Variants in ADK observed in about 807,000 individuals in gnomAD.
ADK encodes N6,N6-dimethyladenosine kinase.
In ADK, 24 loss-of-function variants were observed where a neutral mutation model predicts 44.7. The ratio of observed to expected loss-of-function variants is 0.54; its 90% CI spans 0.39 to 0.76. ADK has a LOEUF of 0.76. ADK is among the 30% of genes least tolerant of loss of function. The pLI, the probability that ADK is intolerant of heterozygous loss-of-function variation, is 0.00. For missense variants in ADK, 321 were observed against 425.1 expected (o/e 0.76, Z 2.15); for synonymous variants, 128 against 142.6 (o/e 0.90, Z 0.73).
chr10:74,371,513 G>C, intron 4 of ADK: 1 of 765,924 alleles, frequency 1.3e-6, no homozygotes. Flanking sequence ...TCCCATCGTA[G>C]CTTAAAGCGA....
chr10:74,490,521 A>G (rs1847438063), intron 6 of ADK, among the ~76,000 whole-genome samples: 1 of 152,156 alleles, frequency 6.6e-6, no homozygotes, highest in South Asian at 2.1e-4. Context: ...GTTCTCCCAG[A>G]ATAAGTTGCC....
At chr10:74,634,464 C>T (rs551465554) in intron 9 of ADK, among the ~76,000 whole-genome samples, 24 of 152,236 alleles carry the variant, frequency 1.6e-4, no homozygotes, top group African/African-American at 3.1e-4. Flanking sequence ...GGGATCCGCC[C>T]GGCCTCCCAA....
At chr10:74,577,106 TTC>T (rs566078811) in intron 7 of ADK, among the ~76,000 whole-genome samples, 3 of 111,064 alleles carry the variant, frequency 2.7e-5, no homozygotes, top group African/African-American at 1.0e-4. Context: ...TTTGTATTAT[TTC>T]TCTGTGTGTG....
chr10:74,692,152 G>A (rs12242776), intron 10 of ADK, among the ~76,000 whole-genome samples: 16,488 of 152,026 alleles, frequency 0.11, 1,457 homozygotes, highest in African/African-American at 0.23. Flanking sequence ...AAACATTATC[G>A]ATACAATAAA....
intron 6 of ADK, among the ~76,000 whole-genome samples, chr10:74,433,718 C>T (rs1020695087): frequency 2.6e-5 from 4 of 152,134 alleles, no homozygotes; most frequent in African/African-American, 9.7e-5. Context: ...CCAATGTTTA[C>T]AGTTGCCAGC....
intron 9 of ADK, among the ~76,000 whole-genome samples, chr10:74,657,127 C>T (rs1433527558): frequency 6.6e-6 from 1 of 151,910 alleles, no homozygotes; most frequent in African/African-American, 2.4e-5. Context: ...GTCTTGAGCT[C>T]CTGGCCTCGA....
At chr10:74,349,382 C>T (rs1281586325) in intron 4 of ADK, among the ~76,000 whole-genome samples, 1 of 152,128 alleles carries the variant, frequency 6.6e-6, no homozygotes, top group Non-Finnish European at 1.5e-5. Flanking sequence ...TTTGTCACCA[C>T]CAGGCCTGCC....
chr10:74,371,776 A>G (rs951549596), intron 4 of ADK: 6 of 1,322,464 alleles, frequency 4.5e-6, no homozygotes, highest in Admixed American at 1.7e-5. Context: ...TCCTCCAGGA[A>G]TATTGGCCAA....
chr10:74,436,338 C>T (rs1845177900), intron 6 of ADK, among the ~76,000 whole-genome samples: 2 of 151,920 alleles, frequency 1.3e-5, no homozygotes, highest in South Asian at 4.2e-4. Flanking sequence ...ACCTGGGAGG[C>T]GGAGGTTGCA....
chr10:74,417,748 T>C (rs1188863285), intron 6 of ADK, among the ~76,000 whole-genome samples: 1 of 148,622 alleles, frequency 6.7e-6, no homozygotes, highest in Non-Finnish European at 1.5e-5. Context: ...GTAAATCTAC[T>C]TTAAAAAAAA....
At chr10:74,235,687 A>G (rs968089077) in intron 3 of ADK, among the ~76,000 whole-genome samples, 1 of 152,146 alleles carries the variant, frequency 6.6e-6, no homozygotes, top group Non-Finnish European at 1.5e-5. Flanking sequence ...TGTGGGAGTG[A>G]GCTTACTTAT....
At chr10:74,498,886 G>A (rs1353646248) in intron 6 of ADK, among the ~76,000 whole-genome samples, 5 of 152,178 alleles carry the variant, frequency 3.3e-5, no homozygotes, top group Non-Finnish European at 7.3e-5. Context: ...CATAAAAAAT[G>A]ATGTGTTCAT....
intron 3 of ADK, among the ~76,000 whole-genome samples, chr10:74,282,176 A>AT (rs1252632645): frequency 1.3e-5 from 2 of 152,186 alleles, no homozygotes; most frequent in Non-Finnish European, 2.9e-5. Flanking sequence ...ATTTGGTTTT[A>AT]TTTTACAATA....
At chr10:74,346,438 A>G (rs1212412895) in intron 4 of ADK, among the ~76,000 whole-genome samples, 5 of 152,182 alleles carry the variant, frequency 3.3e-5, no homozygotes, top group Non-Finnish European at 5.9e-5. Context: ...CTAAATTTTC[A>G]TATTTTCAGT....
chr10:74,493,448 A>ATC lies in ADK; in HGVS notation c.556-31805_556-31804dup, dbSNP rs34456914. Reference sequence around the variant, plus strand: ...AGACCTCATCTATATATATATATATATCTCATCTATATAGAAGAGATATAT... The same window carrying ATC: ...AGACCTCATCTATATATATATATATATCTCTCATCTATATAGAAGAGATATAT... On this transcript the variant is annotated intron_variant, in intron 6 of 10. Transcript: ENST00000539909. Among the ~76,000 whole-genome samples, 1,097 of 150,344 alleles carry ATC rather than the reference A, an allele frequency of 7.3e-3. 24 individuals are homozygous for ATC. Among genetic ancestry groups the ATC allele is most frequent in the African/African-American group, 0.026 (1,031 of 40,378 alleles).
intron 6 of ADK, among the ~76,000 whole-genome samples, chr10:74,420,439 T>A (rs1844520160): frequency 6.6e-6 from 1 of 152,180 alleles, no homozygotes. Flanking sequence ...GCAAAATGAA[T>A]AGACTGTAAG....
intron 9 of ADK, among the ~76,000 whole-genome samples, chr10:74,602,533 C>A (rs1852178999): frequency 6.6e-6 from 1 of 152,192 alleles, no homozygotes; most frequent in African/African-American, 2.4e-5. Context: ...CCTCCCCATT[C>A]TGTGACTGTA....
At chr10:74,336,678 A>T (rs903926676) in intron 4 of ADK, among the ~76,000 whole-genome samples, 4 of 152,198 alleles carry the variant, frequency 2.6e-5, no homozygotes, top group African/African-American at 7.2e-5. Context: ...AGTGCCCATA[A>T]GGGATTGGTT....
At chr10:74,317,962 A>G (rs1054074216) in intron 4 of ADK, among the ~76,000 whole-genome samples, 1 of 151,860 alleles carries the variant, frequency 6.6e-6, no homozygotes, top group Admixed American at 6.6e-5. Context: ...TTGTATTTTT[A>G]GTAGAGATGG....
Sources: allele counts gnomAD v4.1 joint callset (sites outside exome capture counted in the v4.1 genomes callset), GRCh38; gene constraint gnomAD v4.1.1; transcripts MANE v1.5; gene names NCBI Gene and HGNC (gene_info 2026-07-23, HGNC 2026-07-21).